The following GPC5 variants were observed in gnomAD, a reference collection of about 807,000 sequenced individuals.
GPC5 encodes glypican 5.
In GPC5, 47 loss-of-function variants were observed where a neutral mutation model predicts 53.9. That is an observed-to-expected ratio of 0.87 (90% CI 0.69 to 1.11). GPC5 has a LOEUF of 1.11. Among genes scored for constraint, GPC5 ranks in the 50% most tolerant of loss-of-function variants. The pLI is 0.00. For missense variants in GPC5, 748 were observed against 713.1 expected (o/e 1.05, Z -0.56); for synonymous variants, 286 against 263.3 (o/e 1.09, Z -0.84).
chr13:91,608,156 TGGTGGTAA>T (rs1001664498), intron 2 of GPC5, among the ~76,000 whole-genome samples: 98 of 152,302 alleles, frequency 6.4e-4, no homozygotes, highest in African/African-American at 2.3e-3. Flanking sequence ...GATGGGAATA[TGGTGGTAA>T]GGTGTGACAA....
intron 7 of GPC5, among the ~76,000 whole-genome samples, chr13:92,865,978 TATTA>T (rs1879321872): frequency 6.6e-6 from 1 of 152,138 alleles, no homozygotes; most frequent in South Asian, 2.1e-4. Context: ...ACCTAGGATA[TATTA>T]ATTAATTAAA....
At chr13:91,445,694 C>T (rs1024913625) in intron 1 of GPC5, among the ~76,000 whole-genome samples, 4 of 152,038 alleles carry the variant, frequency 2.6e-5, no homozygotes, top group Non-Finnish European at 5.9e-5. Flanking sequence ...AGGCTGGTCT[C>T]GAACTCCTGA....
chr13:92,366,566 T>C (rs2043608924), intron 7 of GPC5, among the ~76,000 whole-genome samples: 1 of 151,988 alleles, frequency 6.6e-6, no homozygotes, highest in South Asian at 2.1e-4. Flanking sequence ...AAAACATCTT[T>C]TAAGGGTAAT....
At chr13:91,550,803 A>T (rs2030592605) in intron 2 of GPC5, among the ~76,000 whole-genome samples, 1 of 152,066 alleles carries the variant, frequency 6.6e-6, no homozygotes, top group African/African-American at 2.4e-5. Context: ...AGTTTCCCCC[A>T]TACTGTTCTT....
chr13:92,842,623 G>A lies in GPC5; in HGVS notation c.1562-23659G>A, dbSNP rs1050363472. Among the ~76,000 whole-genome samples the A allele has an allele frequency of 1.3e-5, 2 of 148,730 alleles. 1 individual carries two copies. Among genetic ancestry groups the A allele is most frequent in the Admixed American group, 1.4e-4 (2 of 14,810 alleles). On this transcript the variant is annotated intron_variant, in intron 7 of 7. Coordinates refer to ENST00000377067, the MANE Select transcript of GPC5 (RefSeq NM_004466.6). ...GATTACTATAGACCCAAAAAGAAAT[G>A]TATCTCCCAACAATGGGTAGGATAC...
chr13:91,984,181 G>T (rs1202450366), intron 6 of GPC5, among the ~76,000 whole-genome samples: 1 of 152,172 alleles, frequency 6.6e-6, no homozygotes, highest in Non-Finnish European at 1.5e-5. Context: ...ATTGAGAAGT[G>T]ATGGTTGCAT....
At chr13:92,354,039 C>A (rs888085893) in intron 7 of GPC5, among the ~76,000 whole-genome samples, 4 of 152,088 alleles carry the variant, frequency 2.6e-5, no homozygotes, top group African/African-American at 9.7e-5. Flanking sequence ...TCTGTCTTTG[C>A]CACTTTTTCC....
At chr13:91,823,513 A>G (rs2038528465) in intron 5 of GPC5, among the ~76,000 whole-genome samples, 1 of 152,128 alleles carries the variant, frequency 6.6e-6, no homozygotes, top group Admixed American at 6.5e-5. Context: ...TTATTAAGTA[A>G]TGTCTTAGCT....
intron 7 of GPC5, among the ~76,000 whole-genome samples, chr13:92,539,841 T>C (rs555903408): frequency 1.3e-5 from 2 of 152,120 alleles, no homozygotes; most frequent in South Asian, 2.1e-4. Flanking sequence ...AGGATGTACA[T>C]TGGGGCTAGT....
chr13:91,650,754 T>TGTTTTG (rs2034685794), intron 2 of GPC5, among the ~76,000 whole-genome samples: 1 of 142,060 alleles, frequency 7.0e-6, no homozygotes, highest in African/African-American at 2.8e-5. Context: ...CCATAAGTTT[T>TGTTTTG]TTTTTTTTTT....
At chr13:92,820,132 A>G (rs897535965) in intron 7 of GPC5, among the ~76,000 whole-genome samples, 1 of 152,112 alleles carries the variant, frequency 6.6e-6, no homozygotes, top group Non-Finnish European at 1.5e-5. Flanking sequence ...AGCGTATCCA[A>G]CTGCCTAGTG....
chr13:92,326,966 T>G (rs2139230648), intron 7 of GPC5, among the ~76,000 whole-genome samples: 1 of 152,168 alleles, frequency 6.6e-6, no homozygotes, highest in East Asian at 1.9e-4. Context: ...AGTCTCACCT[T>G]GAATACTGCC....
At chr13:92,481,087 A>G (rs983122202) in intron 7 of GPC5, among the ~76,000 whole-genome samples, 1 of 147,772 alleles carries the variant, frequency 6.8e-6, no homozygotes, top group Non-Finnish European at 1.5e-5. Context: ...TAAGATCACT[A>G]ATTTTTATAT....
intron 7 of GPC5, among the ~76,000 whole-genome samples, chr13:92,464,367 T>A (rs1878608253): frequency 6.6e-6 from 1 of 152,156 alleles, no homozygotes; most frequent in Admixed American, 6.6e-5. Context: ...ACACCAAAAA[T>A]TATAGATAGG....
chr13:91,411,766 A>T (rs747670300), intron 1 of GPC5, among the ~76,000 whole-genome samples: 1 of 152,174 alleles, frequency 6.6e-6, no homozygotes, highest in Non-Finnish European at 1.5e-5. Context: ...TAAAAATTTT[A>T]TTAAATCTAA....
At chr13:92,163,460 CAAAA>C (rs35480023) in intron 7 of GPC5, among the ~76,000 whole-genome samples, 1 of 90,352 alleles carries the variant, frequency 1.1e-5, no homozygotes. Context: ...GATTCCATCT[CAAAA>C]AAAAAAAAAA....
At chr13:91,455,259 C>T (rs1480937453) in intron 2 of GPC5, among the ~76,000 whole-genome samples, 2 of 152,058 alleles carry the variant, frequency 1.3e-5, no homozygotes, top group African/African-American at 2.4e-5. Context: ...CACTTGTTTA[C>T]TTTACTAGAT....
At chr13:91,520,747 T>C (rs753580207) in intron 2 of GPC5, among the ~76,000 whole-genome samples, 4 of 151,892 alleles carry the variant, frequency 2.6e-5, no homozygotes, top group Non-Finnish European at 4.4e-5. Context: ...TATATATATA[T>C]ATATGTTTTG....
In GPC5 at chr13:92,705,939, A is replaced by C. The variant is rs1006128534; in HGVS notation, c.1562-160343A>C. 8 of 151,270 alleles carry C rather than the reference A, an allele frequency of 5.3e-5. No homozygotes were observed. In the East Asian group the frequency reaches 1.4e-3, roughly 26 times the overall value. 9.4% of individuals were successfully genotyped at this position (151,270 alleles called of 1,614,324 possible). On this transcript the variant is annotated intron_variant, in intron 7 of 7. Transcript: ENST00000377067. ...CATCTCCACCAAAAAAAAAAAAAAA[A>C]TTGCTTGGTGTTGTGGCATACCTGT...
Sources: gnomAD v4.1 joint callset for allele counts (sites outside exome capture counted in the v4.1 genomes callset) on GRCh38, gnomAD v4.1.1 for gene constraint, MANE v1.5 for transcripts, NCBI Gene and HGNC (gene_info 2026-07-23, HGNC 2026-07-21) for gene names.